The following HOMER2 variants were observed in gnomAD, a reference collection of about 807,000 sequenced individuals.
HOMER2 encodes homer scaffold protein 2, also known as homer protein homolog 2.
HOMER2 carries 27 observed loss-of-function variants against 47.0 expected under a neutral mutation model. The ratio of observed to expected loss-of-function variants is 0.57; its 90% CI spans 0.42 to 0.79. The LOEUF is 0.79. Ranked by LOEUF, HOMER2 falls within the 30% of genes least tolerant of loss-of-function variation. HOMER2 has a pLI of 0.00. For missense variants in HOMER2, 443 were observed against 435.0 expected, an observed-to-expected ratio of 1.02 and a Z score of -0.16; for synonymous variants, 161 against 163.8, an observed-to-expected ratio of 0.98 and a Z score of 0.13.
upstream of HOMER2, among the ~76,000 whole-genome samples, chr15:82,955,880 T>C (rs1206723538): frequency 6.6e-6 from 1 of 152,052 alleles, no homozygotes; most frequent in African/African-American, 2.4e-5. Context: ...ACGATCTGTG[T>C]GAATAGGAGA....
exon 2 of HOMER2, chr15:82,958,979 A>C (rs1246243875): frequency 6.6e-6 from 1 of 152,418 alleles, no homozygotes; most frequent in Non-Finnish European, 1.5e-5. Flanking sequence ...CCTTACCCCT[A>C]TCAAAAGGTG....
At chr15:82,867,987 GA>G (rs1266236032) in intron 3 of HOMER2, among the ~76,000 whole-genome samples, 1 of 152,028 alleles carries the variant, frequency 6.6e-6, no homozygotes, top group African/African-American at 2.4e-5. Context: ...GTCCTTTGGT[GA>G]AAAATCGCCT....
In HOMER2 at chr15:82,849,924, A is replaced by G; in HGVS notation, c.844-21T>C. 2.5e-6 allele frequency: 4 copies of G among 1,610,886 alleles called. No individual in the cohort carries two copies. In the African/African-American group the frequency reaches 5.3e-5, roughly 22 times the overall value. ...GCCGCCTGGCCAAGCAAAAGGGAGAAGGGTCTAGAAAACTGAGTGACGAGA... is the reference window on the plus strand; with the variant it reads ...GCCGCCTGGCCAAGCAAAAGGGAGAGGGGTCTAGAAAACTGAGTGACGAGA... On this transcript the variant is annotated intron_variant, in intron 8 of 8. Coordinates refer to ENST00000450735, the MANE Select transcript of HOMER2 (RefSeq NM_004839.4).
intron 2 of HOMER2, among the ~76,000 whole-genome samples, chr15:82,889,809 T>A (rs1014459975): frequency 6.6e-6 from 1 of 151,566 alleles, no homozygotes; most frequent in African/African-American, 2.4e-5. Context: ...GCCTGCCAGG[T>A]CGAGAGAGGG....
intron 1 of HOMER2, among the ~76,000 whole-genome samples, chr15:82,942,406 G>C (rs1289999757): frequency 6.6e-6 from 1 of 152,188 alleles, no homozygotes; most frequent in Non-Finnish European, 1.5e-5. Flanking sequence ...GGAGTCCAGA[G>C]ACATACAGGG....
At chr15:82,907,476 GAAGGAAAGAAA>G (rs1269621346) in intron 1 of HOMER2, among the ~76,000 whole-genome samples, 3 of 150,346 alleles carry the variant, frequency 2.0e-5, no homozygotes, top group South Asian at 2.1e-4. Context: ...AAGGAGAAAG[GAAGGAAAGAAA>G]AAGGAAAGAA....
chr15:82,941,318 C>T (rs2054260799), intron 1 of HOMER2, among the ~76,000 whole-genome samples: 2 of 151,822 alleles, frequency 1.3e-5, no homozygotes, highest in East Asian at 1.9e-4. Flanking sequence ...GTGGTACACA[C>T]CTGTAATCCC....
chr15:82,939,883 A>T (rs2054224262), intron 1 of HOMER2, among the ~76,000 whole-genome samples: 1 of 152,168 alleles, frequency 6.6e-6, no homozygotes, highest in African/African-American at 2.4e-5. Context: ...AATACTACGC[A>T]GCAATAAAAA....
At chr15:82,875,684 A>G (rs1338462696) in intron 2 of HOMER2, among the ~76,000 whole-genome samples, 1 of 152,178 alleles carries the variant, frequency 6.6e-6, no homozygotes, top group Non-Finnish European at 1.5e-5. Context: ...CTCCTAAACA[A>G]AGAATAGTTT....
rs547155587 is a variant in HOMER2 at position 82,922,446 on chromosome 15, C to G, written c.6-29605G>C. Reference sequence around the variant, plus strand: ...GCCTGCATGATACCTCCCTGCTTTACAAAGCCTCAAGTTTAAAAATAAACA... The same window carrying G: ...GCCTGCATGATACCTCCCTGCTTTAGAAAGCCTCAAGTTTAAAAATAAACA... On this transcript the variant is annotated intron_variant, in intron 1 of 8. Transcript: ENST00000450735. Among the ~76,000 whole-genome samples the G allele has an allele frequency of 6.6e-5, 10 of 152,304 alleles. No homozygotes were observed. The South Asian group carries it at 2.1e-3, about 32-fold the overall frequency.
At chr15:82,839,381 C>T (rs2051154583) in exon 2 of HOMER2, 1 of 152,216 alleles carries the variant, frequency 6.6e-6, no homozygotes, top group Non-Finnish European at 1.5e-5. Flanking sequence ...GCCCCAGCCC[C>T]CACTTCCACT....
At chr15:82,851,998 C>A (rs759223165) in intron 7 of HOMER2, 144 bp downstream of exon 7, 57 of 621,322 alleles carry the variant, frequency 9.2e-5, no homozygotes, top group Non-Finnish European at 1.5e-4. Context: ...CCTGTCTGCA[C>A]CTTGCTGTGG....
chr15:82,855,186 A>T (rs927898675), intron 5 of HOMER2, among the ~76,000 whole-genome samples: 1 of 151,718 alleles, frequency 6.6e-6, no homozygotes, highest in Non-Finnish European at 1.5e-5. Flanking sequence ...AATACAAAAA[A>T]ATGGTGGCGG....
At chr15:82,928,185 G>C (rs1389024072) in intron 1 of HOMER2, among the ~76,000 whole-genome samples, 3 of 152,118 alleles carry the variant, frequency 2.0e-5, no homozygotes, top group Non-Finnish European at 4.4e-5. Flanking sequence ...TGTGTGCAAG[G>C]GTAACCTCCA....
chr15:82,875,450 G>C, intron 2 of HOMER2, 46 bp from the exon 3 acceptor site: 2 of 1,597,460 alleles, frequency 1.3e-6, no homozygotes, highest in Non-Finnish European at 1.7e-6. Context: ...TGTTGAATGA[G>C]ACAAAGTCAT....
intron 1 of HOMER2, among the ~76,000 whole-genome samples, chr15:82,946,300 C>T (rs1348844648): frequency 1.3e-5 from 2 of 152,336 alleles, no homozygotes; most frequent in Non-Finnish European, 1.5e-5. Context: ...GGACCAGAAA[C>T]TTCAGGGCAG....
intron 1 of HOMER2, among the ~76,000 whole-genome samples, chr15:82,950,101 C>G (rs1256823211): frequency 6.6e-6 from 1 of 152,082 alleles, no homozygotes; most frequent in Non-Finnish European, 1.5e-5. Context: ...GCATACTAGA[C>G]TAGGTGGTGG....
At chr15:82,983,764 G>T (rs544457978) in intron 1 of HOMER2, among the ~76,000 whole-genome samples, 3 of 149,960 alleles carry the variant, frequency 2.0e-5, no homozygotes, top group Non-Finnish European at 4.5e-5. Flanking sequence ...TAATTTTTTT[G>T]ATTTTTTAGT....
At chr15:82,929,945 G>A (rs960554425) in intron 1 of HOMER2, among the ~76,000 whole-genome samples, 3 of 151,942 alleles carry the variant, frequency 2.0e-5, no homozygotes, top group Non-Finnish European at 2.9e-5. Flanking sequence ...GGTCAGGCTG[G>A]TCTTGAACTC....
Sources: allele counts gnomAD v4.1 joint callset (sites outside exome capture counted in the v4.1 genomes callset), GRCh38; gene constraint gnomAD v4.1.1; transcripts MANE v1.5; gene names NCBI Gene and HGNC (gene_info 2026-07-23, HGNC 2026-07-21).